Variants in GPC6 observed in about 807,000 individuals in gnomAD.
GPC6 encodes the protein glypican-6.
Under a neutral mutation model 55.2 loss-of-function variants are expected in GPC6, and 14 were observed. The ratio of observed to expected loss-of-function variants is 0.25; its 90% CI spans 0.17 to 0.40. The LOEUF (loss-of-function observed/expected upper bound fraction) is 0.40. GPC6 is among the 10% of genes least tolerant of loss of function. GPC6 has a pLI of 1.00. For synonymous variants in GPC6, 278 were observed against 259.6 expected, an observed-to-expected ratio of 1.07 and a Z score of -0.68; for missense variants, 641 against 708.5, an observed-to-expected ratio of 0.90 and a Z score of 1.08.
intron 1 of GPC6, among the ~76,000 whole-genome samples, chr13:93,315,364 A>G (rs900047421): frequency 3.3e-5 from 5 of 152,016 alleles, no homozygotes; most frequent in African/African-American, 4.8e-5. Context: ...TAGGGAAACA[A>G]TGAAATATAT....
intron 3 of GPC6, among the ~76,000 whole-genome samples, chr13:93,855,686 G>T (rs1888579685): frequency 6.6e-6 from 1 of 151,602 alleles, no homozygotes; most frequent in South Asian, 2.1e-4. Context: ...ATTTGGTGTT[G>T]TCAGTGTTCT....
chr13:93,755,341 C>T (rs999098201), intron 2 of GPC6, among the ~76,000 whole-genome samples: 4 of 152,084 alleles, frequency 2.6e-5, no homozygotes, highest in Non-Finnish European at 4.4e-5. Context: ...GCCATGGTGG[C>T]CCCCACTGCA....
intron 2 of GPC6, among the ~76,000 whole-genome samples, chr13:93,576,199 A>G (rs1450651807): frequency 6.6e-6 from 1 of 152,122 alleles, no homozygotes; most frequent in African/African-American, 2.4e-5. Context: ...GAATAACATT[A>G]ATTTAGGAAA....
At chr13:94,152,507 A>G (rs531238357) in intron 4 of GPC6, among the ~76,000 whole-genome samples, 1 of 152,296 alleles carries the variant, frequency 6.6e-6, no homozygotes, top group East Asian at 1.9e-4. Flanking sequence ...TTTTTTAAAA[A>G]CATCATTTAC....
chr13:93,780,228 A>G (rs1008401746), intron 2 of GPC6, among the ~76,000 whole-genome samples: 1 of 152,132 alleles, frequency 6.6e-6, no homozygotes, highest in Admixed American at 6.6e-5. Context: ...CTATAATTAA[A>G]TATGTGTATT....
chr13:93,396,242 C>T (rs1875849436), intron 1 of GPC6, among the ~76,000 whole-genome samples: 1 of 151,982 alleles, frequency 6.6e-6, no homozygotes, highest in Admixed American at 6.6e-5. Context: ...GTTAATTATC[C>T]ATAGATAGGA....
At chr13:94,048,010 T>TC (rs1883792988) in intron 4 of GPC6, among the ~76,000 whole-genome samples, 1 of 151,868 alleles carries the variant, frequency 6.6e-6, no homozygotes, top group Admixed American at 6.6e-5. Context: ...ACATTTTTTT[T>TC]CTCTGGGAAA....
intron 2 of GPC6, among the ~76,000 whole-genome samples, chr13:93,559,989 T>G (rs9589767): frequency 0.036 from 5,409 of 152,238 alleles, 322 homozygotes; most frequent in African/African-American, 0.12. Flanking sequence ...CCTGCACACC[T>G]AAATGGATTT....
At chr13:93,538,429 G>A (rs1277240411) in intron 1 of GPC6, among the ~76,000 whole-genome samples, 2 of 152,124 alleles carry the variant, frequency 1.3e-5, no homozygotes, top group African/African-American at 4.8e-5. Flanking sequence ...AGAGAGATGA[G>A]GAGATGGAGA....
At chr13:94,098,055 A>C (rs1041682544) in intron 4 of GPC6, among the ~76,000 whole-genome samples, 1 of 152,244 alleles carries the variant, frequency 6.6e-6, no homozygotes, top group Non-Finnish European at 1.5e-5. Context: ...AGTAGATGAG[A>C]GCTCATGGTC....
intron 2 of GPC6, among the ~76,000 whole-genome samples, chr13:93,561,036 G>A (rs144559001): frequency 1.2e-4 from 18 of 152,212 alleles, no homozygotes; most frequent in African/African-American, 4.3e-4. Flanking sequence ...TTTAAAATAA[G>A]TAATATAATG....
intron 4 of GPC6, among the ~76,000 whole-genome samples, chr13:94,108,611 C>T (rs768464619): frequency 2.6e-5 from 4 of 151,982 alleles, no homozygotes; most frequent in East Asian, 1.9e-4. Context: ...GAGGCCAAGG[C>T]GGGTGGATCA....
intron 1 of GPC6, among the ~76,000 whole-genome samples, chr13:93,475,285 C>A (rs1566376285): frequency 6.6e-6 from 1 of 152,082 alleles, no homozygotes; most frequent in Non-Finnish European, 1.5e-5. Context: ...TGATGGGAGG[C>A]AATTGCTTGC....
At chr13:93,956,634 A>G (rs955613026) in intron 3 of GPC6, among the ~76,000 whole-genome samples, 8 of 152,302 alleles carry the variant, frequency 5.3e-5, no homozygotes, top group African/African-American at 1.9e-4. Context: ...AACAACACAT[A>G]TTTATTCAGC....
At chr13:93,330,926 T>A (rs1879822023) in intron 1 of GPC6, among the ~76,000 whole-genome samples, 1 of 152,196 alleles carries the variant, frequency 6.6e-6, no homozygotes, top group Non-Finnish European at 1.5e-5. Context: ...GGCTATAGAC[T>A]TTTGGAATTA....
At chr13:93,304,333 C>A (rs368063173) in intron 1 of GPC6, among the ~76,000 whole-genome samples, 8 of 152,168 alleles carry the variant, frequency 5.3e-5, no homozygotes, top group Admixed American at 1.3e-4. Context: ...GTGCAGCCAG[C>A]GCGAGGTTTT....
chr13:94,022,555 A>G (rs554342613), intron 3 of GPC6, among the ~76,000 whole-genome samples: 1 of 152,226 alleles, frequency 6.6e-6, no homozygotes, highest in Non-Finnish European at 1.5e-5. Context: ...ATGGAAGTGC[A>G]GATATCTTTA....
intron 2 of GPC6, among the ~76,000 whole-genome samples, chr13:93,761,916 A>G (rs545879553): frequency 6.6e-6 from 1 of 152,238 alleles, no homozygotes; most frequent in South Asian, 2.1e-4. Context: ...AATATACATT[A>G]TTATTAACCA....
At chr13:93,424,898 G>A (rs1339508386) in intron 1 of GPC6, among the ~76,000 whole-genome samples, 1 of 152,018 alleles carries the variant, frequency 6.6e-6, no homozygotes, top group African/African-American at 2.4e-5. Context: ...CCCTTCTCTG[G>A]GGAAACACTA....
Sources: allele counts gnomAD v4.1 joint callset (sites outside exome capture counted in the v4.1 genomes callset), GRCh38; gene constraint gnomAD v4.1.1; transcripts MANE v1.5; gene names NCBI Gene and HGNC (gene_info 2026-07-23, HGNC 2026-07-21).